Variants in TRPM4 observed in about 807,000 individuals in gnomAD.
TRPM4 encodes calcium-activated non-selective cation channel 1.
In TRPM4, 124 loss-of-function variants were observed where a neutral mutation model predicts 135.6. That is an observed-to-expected ratio of 0.91 (90% CI 0.79 to 1.06). TRPM4 has a LOEUF of 1.06. Ranked by LOEUF, TRPM4 falls within the 50% of genes least tolerant of loss-of-function variation. TRPM4 has a pLI of 0.00. For missense variants in TRPM4, 1,658 were observed against 1,671.4 expected (o/e 0.99, Z 0.14); for synonymous variants, 745 against 705.6 (o/e 1.06, Z -0.88).
intron 17 of TRPM4, among the ~76,000 whole-genome samples, chr19:49,197,352 CTTTCTT>C (rs1968719709): frequency 9.3e-6 from 1 of 107,862 alleles, no homozygotes; most frequent in African/African-American, 5.3e-5. Context: ...TTCTTTCTTT[CTTTCTT>C]TCTTTCTCTC....
At chr19:49,197,539 G>C (rs1166118082) in intron 17 of TRPM4, among the ~76,000 whole-genome samples, 1 of 128,214 alleles carries the variant, frequency 7.8e-6, no homozygotes, top group Non-Finnish European at 1.6e-5. Flanking sequence ...ATCCCTCCAA[G>C]CTAAGGGTTT....
intron 9 of TRPM4, 34 bp from the exon 10 acceptor site, chr19:49,181,315 G>C (rs375822326): frequency 3.3e-6 from 5 of 1,517,154 alleles, no homozygotes; most frequent in Non-Finnish European, 4.6e-6. Flanking sequence ...CTCCTCCCCT[G>C]ACTTCTTGTC....
At chr19:49,204,573 C>T (rs1969073543) in intron 20 of TRPM4, among the ~76,000 whole-genome samples, 2 of 150,810 alleles carry the variant, frequency 1.3e-5, no homozygotes, top group Admixed American at 1.3e-4. Flanking sequence ...CTGTCTCTAC[C>T]AAAACACCAG....
chr19:49,171,987 T>C lies in TRPM4; in HGVS notation c.1051-22T>C. On this transcript the variant is annotated intron_variant, in intron 8 of 24. Coordinates refer to ENST00000252826, the MANE Select transcript of TRPM4 (RefSeq NM_017636.4). The surrounding 1 kb of genome is among the most constrained non-coding windows in gnomAD (Gnocchi z 4.7). ...GTTGGGGATGGAGGCGGGCTAGGGATGCAGAACTGGCTATTCCACAGGTGG... is the reference window on the plus strand; with the variant it reads ...GTTGGGGATGGAGGCGGGCTAGGGACGCAGAACTGGCTATTCCACAGGTGG... 6.2e-7 allele frequency: 1 copy of C among 1,601,494 alleles called. No individual in the cohort carries two copies.
intron 16 of TRPM4, among the ~76,000 whole-genome samples, chr19:49,193,551 C>T (rs552206792): frequency 3.9e-5 from 6 of 152,160 alleles, no homozygotes; most frequent in African/African-American, 1.4e-4. Context: ...TCTGTGCTCT[C>T]AGCCCCTGTG....
At position 49,172,124 on chromosome 19, in the gene TRPM4, TCCAG is replaced by T; in HGVS notation, c.1150+17_1150+20del. 1.3e-6 allele frequency: 2 copies of T among 1,582,796 alleles called. No homozygotes were observed. Among genetic ancestry groups the T allele is most frequent in the South Asian group, 2.2e-5 (2 of 90,416 alleles). ...CTTGTGAAGGGTAAAAGTTGTACCC[TCCAG>T]TCTTCCCCCTCTCTCAGTTCAACCT... On this transcript the variant is annotated intron_variant, in intron 9 of 24. Transcript: ENST00000252826.
chr19:49,164,479 A>G (rs1208334418), intron 2 of TRPM4, among the ~76,000 whole-genome samples: 1 of 137,604 alleles, frequency 7.3e-6, no homozygotes, highest in African/African-American at 2.7e-5. Flanking sequence ...CCTGGGTTCA[A>G]CCAATTCTCC....
chr19:49,180,645 G>T (rs1011837361), intron 9 of TRPM4, among the ~76,000 whole-genome samples: 7 of 151,678 alleles, frequency 4.6e-5, no homozygotes, highest in Non-Finnish European at 8.8e-5. Flanking sequence ...CCTCCTCTGG[G>T]CCCTAATCAT....
chr19:49,187,612 A>G (rs900656509), intron 12 of TRPM4, among the ~76,000 whole-genome samples: 38 of 152,138 alleles, frequency 2.5e-4, no homozygotes, highest in Admixed American at 8.5e-4. Context: ...TAACCACCCA[A>G]TGGGTTCACG....
rs776506608 is a variant in TRPM4, at chr19:49,193,850, TCTC to T, written c.2211-2581_2211-2579del. Among the ~76,000 whole-genome samples, 100 of 151,780 alleles carry T rather than the reference TCTC, an allele frequency of 6.6e-4. 3 individuals carry two copies. The highest frequency in any genetic ancestry group is 4.6e-4 in the Admixed American group (7 of 15,224). On this transcript the variant is annotated intron_variant, in intron 16 of 24. Transcript: ENST00000252826. The stretch of plus-strand genomic sequence containing the variant: ...CTGTAGCTTTCACTATTCTCCTCCT[TCTC>T]CTCCTCCTTCTCCTCCTTGTCCTCC...
chr19:49,187,129 G>A (rs1441494727), intron 12 of TRPM4, among the ~76,000 whole-genome samples: 1 of 151,948 alleles, frequency 6.6e-6, no homozygotes, highest in African/African-American at 2.4e-5. Flanking sequence ...GTAGTAAGTG[G>A]GTAGGTTAAA....
At chr19:49,208,921 T>C (rs1009551790) in intron 20 of TRPM4, among the ~76,000 whole-genome samples, 3 of 148,366 alleles carry the variant, frequency 2.0e-5, no homozygotes, top group Non-Finnish European at 4.4e-5. Context: ...ATTGTGCCAC[T>C]GCACTCCAGC....
At chr19:49,174,162 G>A (rs1249324226) in intron 9 of TRPM4, among the ~76,000 whole-genome samples, 2 of 151,932 alleles carry the variant, frequency 1.3e-5, no homozygotes, top group Admixed American at 6.6e-5. Flanking sequence ...GTGTGTGTGT[G>A]TGTATTTTGA....
chr19:49,204,161 A>T (rs1353446133), intron 20 of TRPM4, among the ~76,000 whole-genome samples: 1 of 152,128 alleles, frequency 6.6e-6, no homozygotes, highest in East Asian at 1.9e-4. Context: ...TCATCTGTTG[A>T]TGAACACTTG....
chr19:49,158,046 C>T, intron 1 of TRPM4, 146 bp from the exon 2 acceptor site: 1 of 1,254,834 alleles, frequency 8.0e-7, no homozygotes, highest in East Asian at 2.3e-5. Flanking sequence ...GGGGTCGAGA[C>T]TCCTGAGTCT....
At chr19:49,160,961 C>G (rs560948203) in intron 2 of TRPM4, among the ~76,000 whole-genome samples, 2 of 151,858 alleles carry the variant, frequency 1.3e-5, no homozygotes, top group Non-Finnish European at 2.9e-5. Flanking sequence ...GGCTCCGGGA[C>G]GTATGCTCTG....
chr19:49,172,177 A>C, intron 9 of TRPM4, 69 bp downstream of exon 9: 1 of 1,185,930 alleles, frequency 8.4e-7, no homozygotes, highest in Non-Finnish European at 1.3e-6. Flanking sequence ...TGGCCTGGGC[A>C]CTTCATCCAC....
In TRPM4 at chr19:49,200,394, A is replaced by G. The variant is rs140799936; in HGVS notation, c.2740A>G (p.Lys914Glu). ...VRLLHIFTVN[K>E]QLGPKIVIVS... ...GCTGCTTCACATCTTCACGGTCAAC[A>G]AACAGCTGGGGCCCAAGATCGTCAT... Residue 914 changes from lysine to glutamate, a missense_variant, in exon 18 of 25, where the codon AAA (lysine) becomes GAA (glutamate). Lys to Glu is a moderately conservative substitution (Grantham distance 56, BLOSUM62 1). This residue lies in a region of TRPM4 where 1,412 missense variants were observed against 1,408.7 expected (regional missense o/e 1.00). Transcript: ENST00000252826. 1.9e-6 allele frequency: 3 copies of G among 1,613,920 alleles called. No individual in the cohort carries two copies. The Admixed American group carries it at 5.0e-5, about 27-fold the overall frequency.
intron 16 of TRPM4, among the ~76,000 whole-genome samples, chr19:49,194,473 A>G (rs1716270): frequency 0.35 from 53,499 of 151,422 alleles, 9,897 homozygotes; most frequent in African/African-American, 0.46. Context: ...TCAAATTCGA[A>G]GGCTTAAGTG....
Sources: allele counts gnomAD v4.1 joint callset (sites outside exome capture counted in the v4.1 genomes callset), GRCh38; gene constraint gnomAD v4.1.1; regional missense constraint gnomAD v4.1.1; non-coding constraint Gnocchi (gnomAD v3.1); transcripts MANE v1.5; gene names NCBI Gene and HGNC (gene_info 2026-07-23, HGNC 2026-07-21).